SAMD12: variants seen among roughly 807,000 people sequenced by gnomAD.
SAMD12 encodes the protein sterile alpha motif domain-containing protein 12.
In SAMD12, 9 loss-of-function variants were observed where a neutral mutation model predicts 15.0. That is an observed-to-expected ratio of 0.60 (90% CI 0.36 to 1.05). The LOEUF is 1.05. Among genes scored for constraint, SAMD12 ranks in the 50% least tolerant of loss-of-function variants. SAMD12 has a pLI of 0.01. For synonymous variants in SAMD12, 86 were observed against 90.1 expected (o/e 0.96, Z 0.25); for missense variants, 230 against 234.2 (o/e 0.98, Z 0.12).
At chr8:118,555,301 T>C in intron 2 of SAMD12, among the ~76,000 whole-genome samples, 1 of 152,218 alleles carries the variant, frequency 6.6e-6, no homozygotes, top group East Asian at 1.9e-4. Context: ...TTTCTTTAAA[T>C]CGCTAATAAA....
chr8:118,470,372 G>T (rs907846789), intron 2 of SAMD12, among the ~76,000 whole-genome samples: 1 of 152,042 alleles, frequency 6.6e-6, no homozygotes, highest in Non-Finnish European at 1.5e-5. Context: ...GTAGAAGGTG[G>T]ACTAAACTTA....
At position 118,336,943 on chromosome 8, in the gene SAMD12, T is replaced by C. The variant is rs557239261; in HGVS notation, c.433+42617A>G. Among the ~76,000 whole-genome samples the C allele has an allele frequency of 1.4e-4, 21 of 152,160 alleles. No individual in the cohort carries two copies. In the South Asian group the frequency reaches 4.4e-3, roughly 32 times the overall value. ...ACCAAACACTGCATGTTCTCATTCA[T>C]AGGTAGGAATTGAACAATGAGAGCA... On this transcript the variant is annotated intron_variant, in intron 4 of 4. Coordinates refer to the SAMD12 transcript ENST00000409003.
chr8:118,440,417 A>C (rs1013092742), intron 2 of SAMD12, among the ~76,000 whole-genome samples: 12 of 152,128 alleles, frequency 7.9e-5, no homozygotes, highest in African/African-American at 2.9e-4. Context: ...AACGAATGTT[A>C]CTGGATTTAG....
intron 2 of SAMD12, among the ~76,000 whole-genome samples, chr8:118,479,266 A>C (rs73315379): frequency 6.6e-6 from 1 of 151,890 alleles, no homozygotes; most frequent in Admixed American, 6.6e-5. Flanking sequence ...TGTTCCCCCC[A>C]CACCTGGATC....
intron 1 of SAMD12, 172 bp downstream of exon 1, chr8:118,621,632 C>G (rs1828409293): frequency 5.8e-6 from 4 of 687,800 alleles, no homozygotes; most frequent in Non-Finnish European, 1.0e-5. Flanking sequence ...TGAATTAAAG[C>G]GCCTACTGGC....
At chr8:118,466,426 T>C (rs954034487) in intron 2 of SAMD12, among the ~76,000 whole-genome samples, 3 of 152,228 alleles carry the variant, frequency 2.0e-5, no homozygotes, top group South Asian at 2.1e-4. Context: ...TACATAATTA[T>C]ATGTAGTTAG....
At chr8:118,399,203 T>C (rs201559122) in intron 3 of SAMD12, among the ~76,000 whole-genome samples, 7 of 19,368 alleles carry the variant, frequency 3.6e-4, no homozygotes, top group Non-Finnish European at 7.7e-4. Flanking sequence ...TTTTTTTTCT[T>C]TTTTTTTTTT....
chr8:118,164,638 G>A, the SAMD12 span, among the ~76,000 whole-genome samples: 2 of 152,054 alleles, frequency 1.3e-5, no homozygotes, highest in African/African-American at 4.8e-5. Context: ...CATGGGCTTT[G>A]ATGGAGACTG....
chr8:118,166,525 T>C, the SAMD12 span, among the ~76,000 whole-genome samples: 1 of 152,220 alleles, frequency 6.6e-6, no homozygotes, highest in African/African-American at 2.4e-5. Context: ...AAAAAATTAA[T>C]GCTTTGTACT....
At chr8:118,188,036 GAAGAGAGAGAGA>G (rs1438739787), downstream of SAMD12, among the ~76,000 whole-genome samples, 2 of 149,718 alleles carry the variant, frequency 1.3e-5, no homozygotes, top group African/African-American at 5.0e-5. Context: ...AAATGGGTTG[GAAGAGAGAGAGA>G]GAGAGAGAGA....
chr8:118,361,220 T>G lies in SAMD12; in HGVS notation c.433+18340A>C, dbSNP rs577552740. Among the ~76,000 whole-genome samples, 9 of 152,332 alleles carry G rather than the reference T, an allele frequency of 5.9e-5. No homozygotes were observed. The South Asian group carries it at 1.9e-3, about 32-fold the overall frequency. On this transcript the variant is annotated intron_variant, in intron 4 of 4. Coordinates refer to the SAMD12 transcript ENST00000409003. ...TTAATGCAATTAATAACTTAATAAT[T>G]ATCAGTCTGCTGTCTCTTTCTCTTG...
intron 4 of SAMD12, among the ~76,000 whole-genome samples, chr8:118,264,587 C>G: frequency 6.6e-6 from 1 of 152,000 alleles, no homozygotes; most frequent in Non-Finnish European, 1.5e-5. Flanking sequence ...AGGTGAAATG[C>G]CAGGGGAAAA....
intron 2 of SAMD12, among the ~76,000 whole-genome samples, chr8:118,459,990 GAGGCACTGTA>G (rs1382862891): frequency 9.8e-5 from 15 of 152,350 alleles, no homozygotes; most frequent in Admixed American, 8.5e-4. Context: ...ACCAATGGGA[GAGGCACTGTA>G]AGGGGCTGTC....
intron 4 of SAMD12, among the ~76,000 whole-genome samples, chr8:118,262,363 TG>T (rs34735743): frequency 6.6e-6 from 1 of 152,102 alleles, no homozygotes; most frequent in African/African-American, 2.4e-5. Context: ...GATTTCAGCA[TG>T]GAAACAAAAC....
chr8:118,379,606 C>T lies in SAMD12; in HGVS notation c.417G>A (p.Gln139=), dbSNP rs751270445. The T allele has an allele frequency of 6.2e-7, 1 of 1,613,990 alleles. No individual in the cohort carries two copies. The highest frequency in any genetic ancestry group is 8.5e-7 in the Non-Finnish European group (1 of 1,179,910). The change falls in exon 4 of 4, where the codon CAG becomes CAA. Residue 139 remains glutamine (Q), a synonymous_variant. Transcript: ENST00000314727. ...TTCTGACTTCTTCTCGCACCTTCAG[C>T]TGGAGCACCTGTTGTAAGATGTGCT... ...LRQHILQQVL[Q]LKVREEVRNL...
At chr8:118,486,220 C>G (rs901301993) in intron 2 of SAMD12, among the ~76,000 whole-genome samples, 6 of 152,074 alleles carry the variant, frequency 3.9e-5, no homozygotes, top group African/African-American at 1.4e-4. Flanking sequence ...AGAGACCATC[C>G]TGGCTAACAC....
intron 1 of SAMD12, among the ~76,000 whole-genome samples, chr8:118,591,774 C>A (rs945875001): frequency 6.6e-6 from 1 of 152,034 alleles, no homozygotes; most frequent in Non-Finnish European, 1.5e-5. Flanking sequence ...AATATCTCCA[C>A]CTCATAACAT....
intron 4 of SAMD12, among the ~76,000 whole-genome samples, chr8:118,230,522 C>T (rs556451787): frequency 6.6e-6 from 1 of 152,108 alleles, no homozygotes; most frequent in South Asian, 2.1e-4. Flanking sequence ...CTGATGTATG[C>T]AGTCAGGTTT....
intron 1 of SAMD12, among the ~76,000 whole-genome samples, chr8:118,619,757 G>C (rs1028375061): frequency 6.6e-6 from 1 of 152,136 alleles, no homozygotes; most frequent in Non-Finnish European, 1.5e-5. Context: ...AATGTGAGCA[G>C]GAGGCACTTC....
Sources: gnomAD v4.1 joint callset for allele counts (sites outside exome capture counted in the v4.1 genomes callset) on GRCh38, gnomAD v4.1.1 for gene constraint, MANE v1.5 for transcripts, NCBI Gene and HGNC (gene_info 2026-07-23, HGNC 2026-07-21) for gene names.